The following LMOD1 variants were observed in gnomAD, a reference collection of about 807,000 sequenced individuals.
The protein encoded by LMOD1 is leiomodin 1, also known as leiomodin-1.
A neutral mutation model predicts 36.5 loss-of-function variants in LMOD1; 8 were observed. That is an observed-to-expected ratio of 0.22 (90% confidence interval 0.13 to 0.40). The LOEUF is 0.40. LMOD1 is among the 10% of genes least tolerant of loss of function. LMOD1 has a pLI of 1.00. For synonymous variants in LMOD1, 284 were observed against 288.7 expected, an observed-to-expected ratio of 0.98 and a Z score of 0.17; for missense variants, 630 against 751.1, an observed-to-expected ratio of 0.84 and a Z score of 1.88.
intron 1 of LMOD1, among the ~76,000 whole-genome samples, chr1:201,904,340 A>G (rs747845747): frequency 1.4e-4 from 21 of 151,992 alleles, no homozygotes; most frequent in Non-Finnish European, 3.1e-4. Context: ...CCTCCCAAGT[A>G]GCTGGGATTA....
At chr1:201,933,592 ACAT>A (rs1273652497) in intron 1 of LMOD1, among the ~76,000 whole-genome samples, 66 of 88,840 alleles carry the variant, frequency 7.4e-4, no homozygotes, top group Admixed American at 8.2e-4. Context: ...ACATATACAT[ACAT>A]TATATATATA....
At chr1:201,924,987 G>C (rs1681803628) in intron 1 of LMOD1, among the ~76,000 whole-genome samples, 1 of 152,216 alleles carries the variant, frequency 6.6e-6, no homozygotes, top group African/African-American at 2.4e-5. Context: ...GGCTGAGGCG[G>C]GCAGATCATT....
At chr1:201,936,007 C>T (rs1237680476) in intron 1 of LMOD1, among the ~76,000 whole-genome samples, 1 of 147,366 alleles carries the variant, frequency 6.8e-6, no homozygotes, top group Non-Finnish European at 1.5e-5. Context: ...CCTGGCTACT[C>T]AGGAGGCTGA....
Position 201,896,522 on chromosome 1 carries a change from A to G in LMOD1, c.*1850T>C. The G allele has an allele frequency of 2.2e-6, 1 of 456,724 alleles. No homozygotes were observed. Among genetic ancestry groups the G allele is most frequent in the Non-Finnish European group, 4.4e-6 (1 of 226,966 alleles). The allele number at this position is 456,724 out of a possible 1,614,324, so 28.3% of individuals were successfully genotyped here. A position where few individuals can be genotyped will look rare whatever the true frequency, so the allele number is the denominator to read the frequency against. ...AGTTAACCTCTCTGGGCCAAATTCT[A>G]TCTGCAAAATAGAATATTGGTATCC... On this transcript the variant is annotated 3_prime_UTR_variant, in exon 3 of 3. Transcript: ENST00000367288.
intron 1 of LMOD1, among the ~76,000 whole-genome samples, chr1:201,940,110 C>G (rs1465128671): frequency 6.6e-6 from 1 of 151,406 alleles, no homozygotes; most frequent in Non-Finnish European, 1.5e-5. Context: ...GGTGAGCCAT[C>G]TTATTTTACA....
intron 1 of LMOD1, among the ~76,000 whole-genome samples, chr1:201,901,526 A>ATG (rs1332737277): frequency 7.3e-4 from 26 of 35,838 alleles, no homozygotes; most frequent in African/African-American, 2.9e-3. Context: ...ATATATATAT[A>ATG]TATGTATATA....
intron 1 of LMOD1, among the ~76,000 whole-genome samples, chr1:201,926,133 G>A (rs1681822479): frequency 6.6e-6 from 1 of 152,164 alleles, no homozygotes; most frequent in Non-Finnish European, 1.5e-5. Context: ...CAAAGCGAGA[G>A]GGAGGTGGGG....
At chr1:201,901,532 A>G (rs71524462) in intron 1 of LMOD1, among the ~76,000 whole-genome samples, 352 of 14,082 alleles carry the variant, frequency 0.025, 10 homozygotes, top group Middle Eastern at 0.05. Flanking sequence ...ATATATATGT[A>G]TATATATATA....
chr1:201,930,568 C>T (rs144054450), intron 1 of LMOD1, among the ~76,000 whole-genome samples: 3 of 152,102 alleles, frequency 2.0e-5, no homozygotes, highest in East Asian at 1.9e-4. Context: ...GGTGGGGTGA[C>T]GATGATTAAT....
chr1:201,901,219 T>C (rs1355701736), intron 1 of LMOD1, among the ~76,000 whole-genome samples: 4 of 152,052 alleles, frequency 2.6e-5, no homozygotes, highest in South Asian at 2.1e-4. Context: ...AAAATATACA[T>C]GAAGTCCGGG....
chr1:201,945,292 T>C (rs1682184621), intron 1 of LMOD1, among the ~76,000 whole-genome samples: 1 of 152,130 alleles, frequency 6.6e-6, no homozygotes, highest in Non-Finnish European at 1.5e-5. Context: ...GGGCAGATGC[T>C]TCCAAAACCG....
intron 1 of LMOD1, among the ~76,000 whole-genome samples, chr1:201,937,767 A>AAAAC (rs906398030): frequency 9.2e-5 from 14 of 152,170 alleles, no homozygotes; most frequent in Non-Finnish European, 1.6e-4. Flanking sequence ...TCCTGTCTCA[A>AAAAC]AAACAAACAA....
intron 1 of LMOD1, among the ~76,000 whole-genome samples, chr1:201,913,924 G>C (rs1681555267): frequency 6.6e-6 from 1 of 152,030 alleles, no homozygotes; most frequent in Non-Finnish European, 1.5e-5. Flanking sequence ...TCCATTGATA[G>C]ACACTTGGGC....
chr1:201,939,183 T>G (rs1682072953), intron 1 of LMOD1, among the ~76,000 whole-genome samples: 1 of 152,052 alleles, frequency 6.6e-6, no homozygotes, highest in Middle Eastern at 3.4e-3. Context: ...AATGTTGATT[T>G]GGCAGATATA....
At chr1:201,906,977 T>C (rs934160794) in intron 1 of LMOD1, among the ~76,000 whole-genome samples, 2 of 152,246 alleles carry the variant, frequency 1.3e-5, no homozygotes, top group African/African-American at 4.8e-5. Flanking sequence ...CCGTAATGCC[T>C]GTTTCCCTTG....
Position 201,922,771 on chromosome 1 carries a change from C to T in LMOD1, c.262-22020G>A, listed in dbSNP as rs149958885. On this transcript the variant is annotated intron_variant, in intron 1 of 2. Transcript: ENST00000367288. ...ACACTATTATATTCAGTATATTTGCCGAATATACTGAATACTGCTTTTTTT... is the reference window on the plus strand; with the variant it reads ...ACACTATTATATTCAGTATATTTGCTGAATATACTGAATACTGCTTTTTTT... Among the ~76,000 whole-genome samples, 151 of 150,408 alleles carry T rather than the reference C, an allele frequency of 1.0e-3. 3 individuals carry two copies. In the East Asian group the frequency reaches 0.018, roughly 18 times the overall value.
At chr1:201,924,693 GAAAGAAAGAAAGAAAGAA>G (rs1339554575) in intron 1 of LMOD1, among the ~76,000 whole-genome samples, 22 of 119,916 alleles carry the variant, frequency 1.8e-4, no homozygotes, top group Non-Finnish European at 2.0e-4. Flanking sequence ...AAGAAAGAAA[GAAAGAAAGAAAGAAAGAA>G]AGAAAGAAAG....
Position 201,898,197 on chromosome 1 carries a change from T to G in LMOD1, c.*175A>C. ...AGCCTCAGAGACAAGAAAAGGAAAG[T>G]GAGAAGAGATAAGGCATCCTTCCTT... is the stretch of plus-strand genomic sequence containing the variant. On this transcript the variant is annotated 3_prime_UTR_variant, in exon 3 of 3. Coordinates refer to ENST00000367288, the MANE Select transcript of LMOD1 (RefSeq NM_012134.3). The G allele has an allele frequency of 1.5e-6, 1 of 664,278 alleles. No homozygotes were observed. The highest frequency in any genetic ancestry group is 2.7e-5 in the Admixed American group (1 of 36,990). The allele number at this position is 664,278 out of a possible 1,614,324, so 41.1% of individuals were successfully genotyped here. A position where few individuals can be genotyped will look rare whatever the true frequency, so the allele number is the denominator to read the frequency against.
chr1:201,937,646 G>A (rs569820253), intron 1 of LMOD1, among the ~76,000 whole-genome samples: 1 of 152,168 alleles, frequency 6.6e-6, no homozygotes, highest in African/African-American at 2.4e-5. Context: ...CACAACTGTA[G>A]TCCCAGCTAC....
Sources: gnomAD v4.1 joint callset for allele counts (sites outside exome capture counted in the v4.1 genomes callset) on GRCh38, gnomAD v4.1.1 for gene constraint, MANE v1.5 for transcripts, NCBI Gene and HGNC (gene_info 2026-07-23, HGNC 2026-07-21) for gene names.